Variants in ARHGAP24 observed in about 807,000 individuals in gnomAD.
ARHGAP24 encodes the protein Rho GTPase activating protein 24.
A neutral mutation model predicts 76.4 loss-of-function variants in ARHGAP24; 50 were observed. That is an observed-to-expected ratio of 0.65 (90% CI 0.52 to 0.83). The LOEUF (loss-of-function observed/expected upper bound fraction) is 0.83. Among genes scored for constraint, ARHGAP24 ranks in the 40% least tolerant of loss-of-function variants. The pLI, the probability that ARHGAP24 is intolerant of heterozygous loss-of-function variation, is 0.00. For missense variants in ARHGAP24, 930 were observed against 914.2 expected (o/e 1.02, Z -0.22); for synonymous variants, 345 against 323.3 (o/e 1.07, Z -0.72).
intron 2 of ARHGAP24, among the ~76,000 whole-genome samples, chr4:85,591,335 C>T (rs1728099297): frequency 6.6e-6 from 1 of 152,098 alleles, no homozygotes; most frequent in Admixed American, 6.5e-5. Context: ...CGTGAGCCAC[C>T]ATGCCCGACT....
rs559412709 is a variant in ARHGAP24 at position 85,756,554 on chromosome 4, A to G, written c.268+34582A>G. ...GTAAAAAATGAGAAGCTTTAAAAAT[A>G]TAAGTCAAGATGCTAAGCAAGTTCA... On this transcript the variant is annotated intron_variant, in intron 3 of 9. Transcript: ENST00000395184. Among the ~76,000 whole-genome samples the G allele has an allele frequency of 3.9e-4, 60 of 152,374 alleles. 3 individuals carry two copies. The South Asian group carries it at 0.011, about 28-fold the overall frequency.
chr4:85,977,820 A>T (rs754468939), intron 8 of ARHGAP24, 129 bp downstream of exon 8: 6 of 1,134,856 alleles, frequency 5.3e-6, no homozygotes, highest in Non-Finnish European at 7.7e-6. Context: ...TTATTAACTG[A>T]AGTTCTTTAA....
intron 3 of ARHGAP24, among the ~76,000 whole-genome samples, chr4:85,884,287 AC>A (rs1299690249): frequency 1.3e-5 from 2 of 152,182 alleles, no homozygotes; most frequent in Non-Finnish European, 2.9e-5. Flanking sequence ...GTCCACTTAA[AC>A]AAGATGCTGA....
intron 3 of ARHGAP24, among the ~76,000 whole-genome samples, chr4:85,772,663 A>G (rs920938966): frequency 1.3e-5 from 2 of 152,194 alleles, no homozygotes; most frequent in African/African-American, 2.4e-5. Context: ...GATTATCAAG[A>G]GGAATTTGAT....
intron 5 of ARHGAP24, among the ~76,000 whole-genome samples, chr4:85,965,343 G>A (rs1187088299): frequency 1.3e-5 from 2 of 152,010 alleles, no homozygotes; most frequent in Admixed American, 6.6e-5. Flanking sequence ...CCCATGATTC[G>A]ATCATCTCAC....
chr4:85,900,012 C>T (rs531087053), intron 3 of ARHGAP24, among the ~76,000 whole-genome samples: 2 of 152,222 alleles, frequency 1.3e-5, no homozygotes, highest in East Asian at 1.9e-4. Flanking sequence ...TGTTCTACAA[C>T]ATTAAGATGG....
intron 2 of ARHGAP24, among the ~76,000 whole-genome samples, chr4:85,601,162 T>A (rs1371732162): frequency 1.3e-5 from 2 of 152,212 alleles, no homozygotes; most frequent in African/African-American, 4.8e-5. Flanking sequence ...TTGTATTGCT[T>A]TCCATTTCTC....
chr4:85,625,520 G>C (rs1217963197), intron 2 of ARHGAP24, among the ~76,000 whole-genome samples: 1 of 152,112 alleles, frequency 6.6e-6, no homozygotes, highest in Non-Finnish European at 1.5e-5. Flanking sequence ...AGTAGGTGTG[G>C]TGTGGAGCTG....
At chr4:86,000,293 G>A in intron 9 of ARHGAP24, 186 bp from the exon 10 acceptor site, 1 of 516,236 alleles carries the variant, frequency 1.9e-6, no homozygotes, top group Non-Finnish European at 3.5e-6. Flanking sequence ...AATCATCTTA[G>A]CAAACAGTAA....
At chr4:85,657,847 C>G (rs180738249) in intron 2 of ARHGAP24, among the ~76,000 whole-genome samples, 1 of 152,178 alleles carries the variant, frequency 6.6e-6, no homozygotes, top group Non-Finnish European at 1.5e-5. Flanking sequence ...CTCTGCCTCC[C>G]GGGTTCAAGT....
chr4:85,695,173 G>T (rs2110021050), intron 2 of ARHGAP24, among the ~76,000 whole-genome samples: 1 of 152,290 alleles, frequency 6.6e-6, no homozygotes, highest in Admixed American at 6.5e-5. Context: ...AATTATTTCT[G>T]TGAAAAGTAA....
intron 1 of ARHGAP24, among the ~76,000 whole-genome samples, chr4:85,533,256 G>C (rs1030232035): frequency 6.6e-6 from 1 of 152,144 alleles, no homozygotes; most frequent in Non-Finnish European, 1.5e-5. Flanking sequence ...TCTTGAAGGA[G>C]GGGACAGTTT....
At chr4:85,500,780 A>G (rs924925319) in intron 1 of ARHGAP24, among the ~76,000 whole-genome samples, 1 of 152,058 alleles carries the variant, frequency 6.6e-6, no homozygotes, top group East Asian at 1.9e-4. Flanking sequence ...GGTTTGTTAC[A>G]TAGGTATACA....
chr4:85,597,998 C>T (rs1359520595), intron 2 of ARHGAP24, among the ~76,000 whole-genome samples: 1 of 152,052 alleles, frequency 6.6e-6, no homozygotes, highest in African/African-American at 2.4e-5. Context: ...TTATCAAATG[C>T]ACCTTTCATC....
intron 3 of ARHGAP24, among the ~76,000 whole-genome samples, chr4:85,769,141 A>T (rs565930987): frequency 1.3e-5 from 2 of 152,372 alleles, no homozygotes; most frequent in Admixed American, 1.3e-4. Context: ...ATGATTGAAT[A>T]CTTGATAAAA....
chr4:85,703,366 A>G (rs1724173309), intron 2 of ARHGAP24, among the ~76,000 whole-genome samples: 1 of 152,154 alleles, frequency 6.6e-6, no homozygotes, highest in African/African-American at 2.4e-5. Context: ...CCCAGTAAGG[A>G]TGAAGTACTG....
At chr4:85,571,743 G>T (rs1248749322) in intron 2 of ARHGAP24, among the ~76,000 whole-genome samples, 1 of 151,934 alleles carries the variant, frequency 6.6e-6, no homozygotes, top group Non-Finnish European at 1.5e-5. Flanking sequence ...CATTTACCAA[G>T]GCTGGACATC....
At chr4:85,711,189 A>T (rs1724513675) in intron 2 of ARHGAP24, among the ~76,000 whole-genome samples, 1 of 152,090 alleles carries the variant, frequency 6.6e-6, no homozygotes, top group Non-Finnish European at 1.5e-5. Flanking sequence ...GCACCAGCTA[A>T]ATGATGAGAA....
chr4:85,795,404 G>T lies in ARHGAP24; in HGVS notation c.268+73432G>T, dbSNP rs542611109. Among the ~76,000 whole-genome samples, 5 of 152,078 alleles carry T rather than the reference G, an allele frequency of 3.3e-5. No homozygotes were observed. In the East Asian group the frequency reaches 9.7e-4, roughly 29 times the overall value. The stretch of plus-strand genomic sequence containing the variant: ...TAGAGTTGACACCCTGCTTGTTTGG[G>T]TTTTTGTCAATGGTTCTTTAAGTTT... On this transcript the variant is annotated intron_variant, in intron 3 of 9. Coordinates refer to ENST00000395184, the MANE Select transcript of ARHGAP24 (RefSeq NM_001025616.3).
Sources: allele counts gnomAD v4.1 joint callset (sites outside exome capture counted in the v4.1 genomes callset), GRCh38; gene constraint gnomAD v4.1.1; transcripts MANE v1.5; gene names NCBI Gene and HGNC (gene_info 2026-07-23, HGNC 2026-07-21).